The following CNTN4 variants were observed in gnomAD, a reference collection of about 807,000 sequenced individuals.
The protein encoded by CNTN4 is contactin 4, also known as contactin-4.
CNTN4 carries 77 observed loss-of-function variants against 122.5 expected under a neutral mutation model. That is an observed-to-expected ratio of 0.63 (90% CI 0.52 to 0.76). CNTN4 has a LOEUF of 0.76. CNTN4 is among the 30% of genes least tolerant of loss of function. The probability of loss-of-function intolerance (pLI) is 0.00; values close to 1 mark genes in which losing one functional copy is unlikely to be tolerated. For synonymous variants in CNTN4, 512 were observed against 447.0 expected (o/e 1.15, Z -1.83); for missense variants, 1,256 against 1,259.1 (o/e 1.00, Z 0.04).
chr3:3,037,443 T>G lies in CNTN4; in HGVS notation c.2092+115T>G, dbSNP rs3749363. On this transcript the variant is annotated intron_variant, in intron 18 of 24. Transcript: ENST00000418658. ...ATGCGGCTCTGTGTTAGCTCACCCTTCCCTTTAAATGTTTATAATGATAGA... is the reference window on the plus strand; with the variant it reads ...ATGCGGCTCTGTGTTAGCTCACCCTGCCCTTTAAATGTTTATAATGATAGA... 0.094 allele frequency: 128,561 copies of G among 1,370,208 alleles called. 6,562 individuals carry two copies. Among genetic ancestry groups the G allele is most frequent in the Middle Eastern group, 0.18 (948 of 5,168 alleles). 84.9% of individuals were successfully genotyped at this position (1,370,208 alleles called of 1,614,324 possible). A position where few individuals can be genotyped will look rare whatever the true frequency, so the allele number is the denominator to read the frequency against.
intron 12 of CNTN4, among the ~76,000 whole-genome samples, chr3:2,917,600 C>T (rs2094383087): frequency 6.6e-6 from 1 of 152,128 alleles, no homozygotes; most frequent in Admixed American, 6.5e-5. Flanking sequence ...TCTTCTCTGT[C>T]TTGTAGTGGA....
intron 4 of CNTN4, among the ~76,000 whole-genome samples, chr3:2,600,008 CTTTTTTTTTTTTTTT>C (rs71058630): frequency 4.8e-5 from 2 of 41,746 alleles, no homozygotes; most frequent in Non-Finnish European, 4.0e-5. Context: ...TGGAATTCTT[CTTTTTTTTTTTTTTT>C]TTTTTTTTTT....
chr3:2,639,127 T>G (rs2082792197), intron 4 of CNTN4, among the ~76,000 whole-genome samples: 1 of 152,220 alleles, frequency 6.6e-6, no homozygotes, highest in African/African-American at 2.4e-5. Context: ...TTCTTTTTTT[T>G]CTTCAAAAAC....
At chr3:2,722,868 A>G (rs537266704) in intron 4 of CNTN4, among the ~76,000 whole-genome samples, 1 of 152,218 alleles carries the variant, frequency 6.6e-6, no homozygotes, top group East Asian at 1.9e-4. Flanking sequence ...TTAGGACAGA[A>G]TATCCCTTCT....
intron 3 of CNTN4, among the ~76,000 whole-genome samples, chr3:2,387,723 A>G (rs2046301617): frequency 1.3e-5 from 2 of 152,074 alleles, no homozygotes; most frequent in African/African-American, 4.8e-5. Context: ...TTCTTGTTTT[A>G]TTTTGCTGTT....
chr3:2,897,439 C>A (rs1255782047), intron 10 of CNTN4, among the ~76,000 whole-genome samples: 28 of 148,226 alleles, frequency 1.9e-4, no homozygotes, highest in African/African-American at 1.5e-4. Context: ...GTATATATTA[C>A]AAAAAAAAAA....
chr3:2,281,968 A>G (rs1269522080), intron 2 of CNTN4, among the ~76,000 whole-genome samples: 1 of 152,050 alleles, frequency 6.6e-6, no homozygotes. Context: ...AACATTTCAC[A>G]TTTTCTCCAA....
At chr3:2,436,589 G>A (rs2048265905) in intron 3 of CNTN4, among the ~76,000 whole-genome samples, 1 of 151,958 alleles carries the variant, frequency 6.6e-6, no homozygotes, top group South Asian at 2.1e-4. Flanking sequence ...TGGAAATAGG[G>A]TGTTAGAAAG....
chr3:2,220,883 C>A (rs1218402198), intron 2 of CNTN4, among the ~76,000 whole-genome samples: 2 of 152,028 alleles, frequency 1.3e-5, no homozygotes, highest in African/African-American at 4.8e-5. Context: ...AATTAGAACT[C>A]AGATTTCCTG....
chr3:2,576,473 G>A (rs1260211716), intron 4 of CNTN4, among the ~76,000 whole-genome samples: 1 of 151,886 alleles, frequency 6.6e-6, no homozygotes, highest in Non-Finnish European at 1.5e-5. Context: ...ATTGGTCTGT[G>A]TGCCTTGAAG....
Position 2,650,093 on chromosome 3 carries a change from A to T in CNTN4, c.55+78535A>T, listed in dbSNP as rs966640588. ...TTTTTATAAATATATATATATATAT[A>T]AAAGGGAAGGGAAAAGGAAGGAAGG... On this transcript the variant is annotated intron_variant, in intron 4 of 24. Transcript: ENST00000418658. Among the ~76,000 whole-genome samples, 12 of 147,818 alleles carry T rather than the reference A, an allele frequency of 8.1e-5. No homozygotes were observed. The East Asian group carries it at 1.6e-3, about 19-fold the overall frequency.
intron 9 of CNTN4, among the ~76,000 whole-genome samples, chr3:2,884,231 G>A (rs901382164): frequency 6.6e-6 from 1 of 152,076 alleles, no homozygotes; most frequent in African/African-American, 2.4e-5. Context: ...TAGCCACTGA[G>A]CCAGGCAACA....
At chr3:2,725,959 A>G (rs923813489) in intron 4 of CNTN4, among the ~76,000 whole-genome samples, 2 of 152,230 alleles carry the variant, frequency 1.3e-5, no homozygotes, top group Non-Finnish European at 2.9e-5. Flanking sequence ...GCTGATAACA[A>G]CTGCAACTCA....
In CNTN4 at chr3:2,762,245, G is replaced by T. The variant is rs559717587; in HGVS notation, c.358+16548G>T. 4.6e-5 allele frequency among the ~76,000 whole-genome samples: 7 copies of T among 152,306 alleles called. No homozygotes were observed. The South Asian group carries it at 1.0e-3, about 23-fold the overall frequency. On this transcript the variant is annotated intron_variant, in intron 6 of 24. Transcript: ENST00000418658. Reference sequence around the variant, plus strand: ...CAACTTTTTAATTTCAGGAATACACGTGCAGGTTTGTTACATAGGTAAACT... The same window carrying T: ...CAACTTTTTAATTTCAGGAATACACTTGCAGGTTTGTTACATAGGTAAACT...
At chr3:2,922,608 ATTT>A (rs547782541) in intron 12 of CNTN4, among the ~76,000 whole-genome samples, 7 of 110,014 alleles carry the variant, frequency 6.4e-5, no homozygotes, top group African/African-American at 2.4e-4. Flanking sequence ...AAAGAACTTG[ATTT>A]TTTTTTTTTT....
chr3:2,616,339 T>C (rs1442207310), intron 4 of CNTN4, among the ~76,000 whole-genome samples: 1 of 152,248 alleles, frequency 6.6e-6, no homozygotes, highest in Non-Finnish European at 1.5e-5. Context: ...TAGTATTCCA[T>C]GGTGTATATG....
intron 2 of CNTN4, among the ~76,000 whole-genome samples, chr3:2,191,185 C>G (rs2037526600): frequency 6.6e-6 from 1 of 152,092 alleles, no homozygotes; most frequent in South Asian, 2.1e-4. Flanking sequence ...CCTCCTGCCT[C>G]AGCCTTCCTA....
intron 3 of CNTN4, among the ~76,000 whole-genome samples, chr3:2,517,920 G>A (rs1307919509): frequency 6.6e-6 from 1 of 152,122 alleles, no homozygotes; most frequent in Non-Finnish European, 1.5e-5. Flanking sequence ...TAAGGTGTGT[G>A]ACTCCTACTC....
intron 3 of CNTN4, among the ~76,000 whole-genome samples, chr3:2,426,505 A>G (rs143978521): frequency 5.3e-5 from 8 of 152,208 alleles, no homozygotes; most frequent in Non-Finnish European, 5.9e-5. Flanking sequence ...ATCGATGTTT[A>G]TCATGGATAT....
Sources: allele counts gnomAD v4.1 joint callset (sites outside exome capture counted in the v4.1 genomes callset), GRCh38; gene constraint gnomAD v4.1.1; transcripts MANE v1.5; gene names NCBI Gene and HGNC (gene_info 2026-07-23, HGNC 2026-07-21).